PAPSS1: variants seen among roughly 807,000 people sequenced by gnomAD.
PAPSS1 encodes the protein 3'-phosphoadenosine 5'-phosphosulfate synthase 1.
A neutral mutation model predicts 72.0 loss-of-function variants in PAPSS1; 50 were observed. The observed-to-expected ratio is 0.69, with a 90% CI of 0.55 to 0.88. The LOEUF is 0.88. Among genes scored for constraint, PAPSS1 ranks in the 40% least tolerant of loss-of-function variants. The pLI, the probability that PAPSS1 is intolerant of heterozygous loss-of-function variation, is 0.00. For missense variants in PAPSS1, 657 were observed against 782.2 expected (o/e 0.84, Z 1.91); for synonymous variants, 261 against 263.6 (o/e 0.99, Z 0.09).
At chr4:107,677,183 A>C (rs1157915413) in intron 5 of PAPSS1, among the ~76,000 whole-genome samples, 3 of 152,148 alleles carry the variant, frequency 2.0e-5, no homozygotes, top group Non-Finnish European at 2.9e-5. Context: ...AAATTGACAA[A>C]TGGGATCTAA....
intron 8 of PAPSS1, 125 bp downstream of exon 8, chr4:107,654,570 G>A (rs115116114): frequency 2.1e-4 from 164 of 765,798 alleles, no homozygotes; most frequent in African/African-American, 1.7e-3. Context: ...ATAATCTAAG[G>A]TCCAATCTCT....
chr4:107,640,568 T>A (rs66719934), intron 10 of PAPSS1, among the ~76,000 whole-genome samples: 36,180 of 152,030 alleles, frequency 0.24, 4,358 homozygotes, highest in East Asian at 0.37. Flanking sequence ...GGTTTTTTTT[T>A]ATTACAAAAA....
chr4:107,667,529 G>A (rs1486126378), intron 5 of PAPSS1, among the ~76,000 whole-genome samples: 2 of 151,452 alleles, frequency 1.3e-5, no homozygotes, highest in African/African-American at 2.5e-5. Context: ...AACCTGTGAG[G>A]TCTGAACTAA....
chr4:107,685,241 CTA>C (rs1250199387), intron 4 of PAPSS1, among the ~76,000 whole-genome samples: 1 of 152,198 alleles, frequency 6.6e-6, no homozygotes, highest in Non-Finnish European at 1.5e-5. Flanking sequence ...CAAGCATTAA[CTA>C]TGTGTGTGAC....
chr4:107,653,381 GC>G, intron 9 of PAPSS1, 109 bp downstream of exon 9: 1 of 852,514 alleles, frequency 1.2e-6, no homozygotes, highest in Non-Finnish European at 1.7e-6. Context: ...ATATTCCACT[GC>G]TATATTTACC....
intron 10 of PAPSS1, among the ~76,000 whole-genome samples, chr4:107,637,330 C>T (rs1324626475): frequency 6.6e-6 from 1 of 152,132 alleles, no homozygotes; most frequent in East Asian, 1.9e-4. Context: ...ACTTCCAAAC[C>T]TGGCAAAGAC....
chr4:107,720,089 C>G, intron 1 of PAPSS1, 31 bp downstream of exon 1: 1 of 1,595,520 alleles, frequency 6.3e-7, no homozygotes, highest in East Asian at 2.3e-5. Flanking sequence ...CCCCTCCGCT[C>G]CTCGCCGTCT....
intron 1 of PAPSS1, among the ~76,000 whole-genome samples, chr4:107,710,255 A>T (rs1723453343): frequency 6.6e-6 from 1 of 152,226 alleles, no homozygotes; most frequent in East Asian, 1.9e-4. Context: ...GTTTCCATAC[A>T]CAGGAGAGAG....
intron 1 of PAPSS1, among the ~76,000 whole-genome samples, chr4:107,702,195 G>T (rs999760562): frequency 6.6e-6 from 1 of 152,142 alleles, no homozygotes; most frequent in Non-Finnish European, 1.5e-5. Flanking sequence ...TACTGGGGAG[G>T]ATATGGAAAT....
chr4:107,718,502 C>T (rs1723692890), intron 1 of PAPSS1: 3 of 152,234 alleles, frequency 2.0e-5, no homozygotes, highest in African/African-American at 2.4e-5. Flanking sequence ...AACGCCCAGG[C>T]GAAACTAATC....
chr4:107,649,859 C>T (rs1184763905), intron 9 of PAPSS1, among the ~76,000 whole-genome samples: 1 of 152,250 alleles, frequency 6.6e-6, no homozygotes, highest in Admixed American at 6.5e-5. Context: ...TTAATAAACA[C>T]TAACAGGCTC....
chr4:107,655,850 A>G (rs1424021348), intron 7 of PAPSS1, among the ~76,000 whole-genome samples: 2 of 152,230 alleles, frequency 1.3e-5, no homozygotes, highest in Non-Finnish European at 2.9e-5. Flanking sequence ...CCAAGGAAGA[A>G]AATCAAAATG....
At chr4:107,693,402 T>C (rs1272061332) in intron 3 of PAPSS1, among the ~76,000 whole-genome samples, 1 of 152,204 alleles carries the variant, frequency 6.6e-6, no homozygotes, top group Non-Finnish European at 1.5e-5. Context: ...AAAGAAGCCA[T>C]GGTAGGGCAC....
chr4:107,667,903 A>C (rs919829867), intron 5 of PAPSS1, among the ~76,000 whole-genome samples: 1 of 152,222 alleles, frequency 6.6e-6, no homozygotes, highest in Non-Finnish European at 1.5e-5. Context: ...TTTAATAAAC[A>C]TTCTTTCCAA....
intron 9 of PAPSS1, among the ~76,000 whole-genome samples, chr4:107,647,929 G>C (rs1726736499): frequency 1.3e-5 from 2 of 152,140 alleles, no homozygotes; most frequent in Non-Finnish European, 2.9e-5. Flanking sequence ...TCACCGGACA[G>C]ATGCATTACA....
chr4:107,629,205 T>C (rs1726172685), intron 11 of PAPSS1, among the ~76,000 whole-genome samples: 1 of 152,160 alleles, frequency 6.6e-6, no homozygotes. Flanking sequence ...AGAACAAACA[T>C]CAACTTTATG....
At chr4:107,686,618 C>T (rs757750987) in intron 4 of PAPSS1, among the ~76,000 whole-genome samples, 4 of 152,094 alleles carry the variant, frequency 2.6e-5, no homozygotes, top group Non-Finnish European at 4.4e-5. Flanking sequence ...TTCCAAGGAT[C>T]GTAATAAAGT....
chr4:107,632,849 TA>T (rs1464566670), intron 10 of PAPSS1, among the ~76,000 whole-genome samples: 2 of 152,204 alleles, frequency 1.3e-5, no homozygotes, highest in Non-Finnish European at 2.9e-5. Context: ...CATATTAAAA[TA>T]AGGTATAAAT....
chr4:107,622,887 T>C (rs1560563264), intron 11 of PAPSS1, among the ~76,000 whole-genome samples: 1 of 152,268 alleles, frequency 6.6e-6, no homozygotes, highest in Non-Finnish European at 1.5e-5. Context: ...CAAAAGAGGA[T>C]ACTGAACTAA....
Sources: gnomAD v4.1 joint callset for allele counts (sites outside exome capture counted in the v4.1 genomes callset) on GRCh38, gnomAD v4.1.1 for gene constraint, MANE v1.5 for transcripts, NCBI Gene and HGNC (gene_info 2026-07-23, HGNC 2026-07-21) for gene names.